The following MND1 variants were observed in gnomAD, a reference collection of about 807,000 sequenced individuals.
MND1 encodes the protein meiotic nuclear division protein 1 homolog.
A neutral mutation model predicts 35.1 loss-of-function variants in MND1; 28 were observed. The ratio of observed to expected loss-of-function variants is 0.80; its 90% CI spans 0.59 to 1.09. The LOEUF (loss-of-function observed/expected upper bound fraction) is 1.09. Among genes scored for constraint, MND1 ranks in the 50% least tolerant of loss-of-function variants. MND1 has a pLI of 0.00. For synonymous variants in MND1, 69 were observed against 70.5 expected (o/e 0.98, Z 0.11); for missense variants, 213 against 239.6 (o/e 0.89, Z 0.73).
intron 4 of MND1, among the ~76,000 whole-genome samples, chr4:153,381,176 G>A (rs1431212122): frequency 6.6e-6 from 1 of 152,134 alleles, no homozygotes; most frequent in Non-Finnish European, 1.5e-5. Flanking sequence ...TGGGATTACA[G>A]GTATCAGCCA....
intron 6 of MND1, among the ~76,000 whole-genome samples, chr4:153,399,450 C>A (rs939873650): frequency 6.6e-6 from 1 of 152,148 alleles, no homozygotes; most frequent in African/African-American, 2.4e-5. Flanking sequence ...CTGATAGTGA[C>A]CCTGAGCCAG....
chr4:153,383,724 G>T (rs940937089), intron 4 of MND1, among the ~76,000 whole-genome samples: 2 of 152,212 alleles, frequency 1.3e-5, no homozygotes, highest in African/African-American at 4.8e-5. Flanking sequence ...AGGAGAGAGG[G>T]AAGGGTAAAG....
chr4:153,378,996 C>A (rs891888237), intron 4 of MND1, among the ~76,000 whole-genome samples: 18 of 152,060 alleles, frequency 1.2e-4, no homozygotes, highest in Non-Finnish European at 2.2e-4. Context: ...ACTTTTGAAA[C>A]CACAAAAGCG....
intron 4 of MND1, chr4:153,381,901 A>C (rs1452288333): frequency 6.6e-6 from 1 of 150,578 alleles, no homozygotes; most frequent in Admixed American, 6.7e-5. Flanking sequence ...ATTGGTGCCA[A>C]ACTTAGTGTA....
intron 2 of MND1, 83 bp downstream of exon 2, chr4:153,350,212 T>G: frequency 2.1e-6 from 2 of 948,508 alleles, no homozygotes; most frequent in South Asian, 3.0e-5. Context: ...GTCCCCTCTT[T>G]GTTAAACATC....
intron 4 of MND1, among the ~76,000 whole-genome samples, chr4:153,380,613 G>A (rs902564531): frequency 2.6e-5 from 4 of 152,128 alleles, no homozygotes; most frequent in South Asian, 2.1e-4. Context: ...TTCTCTTAAC[G>A]AAGAAGGGCT....
Position 153,394,295 on chromosome 4 carries a change from C to A in MND1, c.310C>A (p.Gln104Lys). The A allele has an allele frequency of 6.2e-7, 1 of 1,612,620 alleles. No individual in the cohort carries two copies. The highest frequency in any genetic ancestry group is 8.5e-7 in the Non-Finnish European group (1 of 1,179,076). ...GGGAAGTCAAAAGCATGCAAGCCTA[C>A]AGAAAAGCATTGAGAAAGCTAAAAT... is the stretch of plus-strand genomic sequence containing the variant. ...SEGSQKHASL[Q>K]KSIEKAKIGR... The change falls in exon 5 of 8, where the codon CAG (glutamine) becomes AAG (lysine). Residue 104 changes from glutamine to lysine, a missense_variant. Transcript: ENST00000240488.
chr4:153,391,747 C>CACACACACACACACACACACACAT (rs1440447136), intron 4 of MND1, among the ~76,000 whole-genome samples: 1 of 151,708 alleles, frequency 6.6e-6, no homozygotes, highest in South Asian at 2.1e-4. Context: ...CACACACACA[C>CACACACACACACACACACACACAT]ACATACATAC....
At chr4:153,365,553 T>A (rs1773616647) in intron 4 of MND1, among the ~76,000 whole-genome samples, 1 of 152,110 alleles carries the variant, frequency 6.6e-6, no homozygotes, top group Non-Finnish European at 1.5e-5. Flanking sequence ...TTTTATATTT[T>A]TTATTTAAGA....
intron 4 of MND1, among the ~76,000 whole-genome samples, chr4:153,385,648 C>A (rs943447726): frequency 7.1e-6 from 1 of 140,874 alleles, no homozygotes; most frequent in African/African-American, 2.7e-5. Flanking sequence ...CTTAGGAGGT[C>A]GGGGTTGCAG....
At chr4:153,393,298 G>T (rs1050560580) in intron 4 of MND1, among the ~76,000 whole-genome samples, 1 of 151,494 alleles carries the variant, frequency 6.6e-6, no homozygotes, top group African/African-American at 2.4e-5. Context: ...ACTTTAGTCA[G>T]AAGTGAAATA....
rs114806362 is a variant in MND1 at position 153,407,868 on chromosome 4, A to C, written c.467-1103A>C. Among the ~76,000 whole-genome samples, 308 of 152,252 alleles carry C rather than the reference A, an allele frequency of 2.0e-3. 2 individuals carry two copies. Among genetic ancestry groups the C allele is most frequent in the African/African-American group, 6.8e-3 (284 of 41,546 alleles). On this transcript the variant is annotated intron_variant, in intron 6 of 7. Transcript: ENST00000240488. ...TAGGTTAGTAGTTGCCAGGGGACGG[A>C]GGGAGAAGGAATGTGGAGTGAGTGC...
At chr4:153,349,111 C>A (rs1050217845) in intron 1 of MND1, among the ~76,000 whole-genome samples, 4 of 84,888 alleles carry the variant, frequency 4.7e-5, no homozygotes, top group African/African-American at 1.9e-4. Context: ...TTTTTTTTTT[C>A]TGTAAACCTT....
At chr4:153,357,709 T>A (rs1773381519) in intron 3 of MND1, among the ~76,000 whole-genome samples, 1 of 152,212 alleles carries the variant, frequency 6.6e-6, no homozygotes, top group South Asian at 2.1e-4. Flanking sequence ...TTGTAGGTAA[T>A]GGAATCTCAA....
At chr4:153,362,687 T>C (rs1231192381) in intron 4 of MND1, among the ~76,000 whole-genome samples, 1 of 152,220 alleles carries the variant, frequency 6.6e-6, no homozygotes, top group Non-Finnish European at 1.5e-5. Context: ...TTGATCTGTG[T>C]ATCTGCTGGC....
chr4:153,376,272 T>G (rs1047851824), intron 4 of MND1, among the ~76,000 whole-genome samples: 1 of 152,168 alleles, frequency 6.6e-6, no homozygotes, highest in African/African-American at 2.4e-5. Flanking sequence ...TTAGTCACTG[T>G]GTGTGTGGAT....
chr4:153,387,698 C>G (rs957687922), intron 4 of MND1, among the ~76,000 whole-genome samples: 1 of 152,076 alleles, frequency 6.6e-6, no homozygotes, highest in South Asian at 2.1e-4. Flanking sequence ...CCTGGGAGAT[C>G]ATGATCACAC....
chr4:153,375,625 A>T (rs1483354235), intron 4 of MND1, among the ~76,000 whole-genome samples: 1 of 152,068 alleles, frequency 6.6e-6, no homozygotes, highest in Non-Finnish European at 1.5e-5. Flanking sequence ...TGTTTGGTTG[A>T]ATTTTGTTGT....
intron 4 of MND1, among the ~76,000 whole-genome samples, chr4:153,367,033 C>A (rs1189975133): frequency 6.6e-6 from 1 of 152,118 alleles, no homozygotes; most frequent in Non-Finnish European, 1.5e-5. Context: ...CCCGCCTCTC[C>A]CCTTGGCTGC....
Sources: allele counts gnomAD v4.1 joint callset (sites outside exome capture counted in the v4.1 genomes callset), GRCh38; gene constraint gnomAD v4.1.1; transcripts MANE v1.5; gene names NCBI Gene and HGNC (gene_info 2026-07-23, HGNC 2026-07-21).